LRP12: variants seen among roughly 807,000 people sequenced by gnomAD.
LRP12 encodes low-density lipoprotein receptor-related protein 12.
LRP12 carries 14 observed loss-of-function variants against 66.0 expected under a neutral mutation model. That is an observed-to-expected ratio of 0.21 (90% confidence interval 0.14 to 0.33). LRP12 has a LOEUF of 0.33. Ranked by LOEUF, LRP12 falls within the 10% of genes least tolerant of loss-of-function variation. The probability of loss-of-function intolerance (pLI) is 1.00; values close to 1 mark genes in which losing one functional copy is unlikely to be tolerated. For synonymous variants in LRP12, 357 were observed against 359.1 expected, an observed-to-expected ratio of 0.99 and a Z score of 0.07; for missense variants, 889 against 1,053.4, an observed-to-expected ratio of 0.84 and a Z score of 2.16.
At chr8:104,496,829 G>A (rs1588482056) in intron 5 of LRP12, 143 bp downstream of exon 5, 8 of 764,338 alleles carry the variant, frequency 1.0e-5, no homozygotes, top group South Asian at 4.5e-5. Context: ...GGTTTTTCAC[G>A]CTAATTTTAT....
At position 104,497,001 on chromosome 8, in the gene LRP12, C is replaced by G. The variant is rs761346650; in HGVS notation, c.1551G>C (p.Lys517Asn). ...TTTCAAACATTCTCAGAGAATAAAG[C>G]TTACAAGTACATCCCAATGCTATGA... ...LLVIALGCTCKLYSLRMFERR... is the reference protein window; with the variant it reads ...LLVIALGCTCNLYSLRMFERR... Residue 517 changes from lysine to asparagine, a missense_variant, in exon 5 of 7, where the codon AAG (lysine) becomes AAC (asparagine). Physicochemically the swap from Lys to Asn is moderately conservative, Grantham distance 94. Coordinates refer to ENST00000276654, the MANE Select transcript of LRP12 (RefSeq NM_013437.5). This position sits in a 1 kb window ranked among gnomAD's most constrained non-coding sequence, Gnocchi z 4.3. 6.5e-7 allele frequency: 1 copy of G among 1,542,112 alleles called. No individual in the cohort carries two copies. Among genetic ancestry groups the G allele is most frequent in the East Asian group, 2.3e-5 (1 of 44,218 alleles).
At chr8:104,505,369 T>C (rs1050325095) in intron 3 of LRP12, 1 of 153,886 alleles carries the variant, frequency 6.5e-6, no homozygotes, top group Non-Finnish European at 1.4e-5. Context: ...ACCTTTCTAC[T>C]TGGGAGAGAG....
At chr8:104,498,760 A>G (rs1328131740) in intron 4 of LRP12, among the ~76,000 whole-genome samples, 6 of 152,206 alleles carry the variant, frequency 3.9e-5, no homozygotes, top group Admixed American at 3.9e-4. Context: ...TAGTACTGGC[A>G]TGCTTACTCA....
At chr8:104,521,467 T>A (rs546740569) in intron 2 of LRP12, among the ~76,000 whole-genome samples, 50 of 151,512 alleles carry the variant, frequency 3.3e-4, no homozygotes, top group African/African-American at 1.1e-3. Flanking sequence ...ATAGAGTATA[T>A]AATATAGAAA....
At chr8:104,503,085 A>AT (rs913993433) in intron 3 of LRP12, among the ~76,000 whole-genome samples, 8 of 152,116 alleles carry the variant, frequency 5.3e-5, no homozygotes, top group Admixed American at 3.3e-4. Flanking sequence ...CTAATTTTTT[A>AT]TTTTTGCTTT....
intron 3 of LRP12, among the ~76,000 whole-genome samples, chr8:104,503,401 A>C (rs1401205357): frequency 4.6e-5 from 7 of 151,750 alleles, no homozygotes; most frequent in Non-Finnish European, 1.0e-4. Context: ...AGAAACAATA[A>C]ATATCTGTTC....
intron 2 of LRP12, among the ~76,000 whole-genome samples, chr8:104,510,774 T>C (rs1810981140): frequency 6.6e-6 from 1 of 151,984 alleles, no homozygotes; most frequent in Admixed American, 6.6e-5. Context: ...CATACTAAAC[T>C]CAAAAACCAT....
At chr8:104,502,050 G>A (rs929185414) in intron 3 of LRP12, among the ~76,000 whole-genome samples, 2 of 152,122 alleles carry the variant, frequency 1.3e-5, no homozygotes, top group African/African-American at 4.8e-5. Context: ...GAACATAGAA[G>A]ATACTAATTT....
intron 2 of LRP12, among the ~76,000 whole-genome samples, chr8:104,512,281 C>A (rs1438733863): frequency 2.0e-5 from 3 of 152,166 alleles, no homozygotes; most frequent in East Asian, 3.9e-4. Context: ...CGTGCCACTG[C>A]ACTCCAGCCT....
At chr8:104,522,139 G>C (rs1811161767) in intron 2 of LRP12, among the ~76,000 whole-genome samples, 1 of 151,858 alleles carries the variant, frequency 6.6e-6, no homozygotes, top group Non-Finnish European at 1.5e-5. Flanking sequence ...TAAGCCCAAA[G>C]CTGTGGTTAA....
intron 1 of LRP12, among the ~76,000 whole-genome samples, chr8:104,555,287 T>C (rs577770169): frequency 6.6e-6 from 1 of 151,852 alleles, no homozygotes; most frequent in Non-Finnish European, 1.5e-5. Flanking sequence ...AGGCAACAAA[T>C]AGCATGATGA....
Position 104,496,992 on chromosome 8 carries a change from A to C in LRP12, c.1560T>G (p.Ser520=). ...CTGACCTTCTTTCAAACATTCTCAGAGAATAAAGCTTACAAGTACATCCCA... is the reference window on the plus strand; with the variant it reads ...CTGACCTTCTTTCAAACATTCTCAGCGAATAAAGCTTACAAGTACATCCCA... The part of the protein sequence containing the change: ...IALGCTCKLY[S]LRMFERRSFE... Residue 520 remains serine, a synonymous_variant, in exon 5 of 7, where the codon TCT becomes TCG. Coordinates refer to ENST00000276654, the MANE Select transcript of LRP12 (RefSeq NM_013437.5). The C allele has an allele frequency of 6.5e-7, 1 of 1,527,332 alleles. No homozygotes were observed. Among genetic ancestry groups the C allele is most frequent in the African/African-American group, 1.4e-5 (1 of 72,096 alleles). 94.6% of individuals were successfully genotyped at this position (1,527,332 alleles called of 1,614,324 possible). A position where few individuals can be genotyped will look rare whatever the true frequency, so the allele number is the denominator to read the frequency against.
intron 2 of LRP12, among the ~76,000 whole-genome samples, chr8:104,511,030 C>CTTTTTTTTTT (rs11350393): frequency 7.4e-5 from 4 of 54,324 alleles, no homozygotes; most frequent in Non-Finnish European, 1.3e-4. Context: ...GGAAAAATGA[C>CTTTTTTTTTT]TTTTTTTTTT....
chr8:104,553,042 G>A (rs1308464198), intron 1 of LRP12, among the ~76,000 whole-genome samples: 1 of 152,134 alleles, frequency 6.6e-6, no homozygotes, highest in Admixed American at 6.6e-5. Flanking sequence ...GAAATATAGG[G>A]GTACAGGAAG....
chr8:104,588,970 ACGCCGCCGCCGCCGC>A lies in LRP12; in HGVS notation c.-88_-74del, dbSNP rs879237391. 164 of 601,222 alleles carry A rather than the reference ACGCCGCCGCCGCCGC, an allele frequency of 2.7e-4. 5 individuals carry two copies. Among genetic ancestry groups the A allele is most frequent in the Admixed American group, 6.5e-4 (15 of 23,238 alleles). The allele number at this position is 601,222 out of a possible 1,614,324, so 37.2% of individuals were successfully genotyped here. On this transcript the variant is annotated 5_prime_UTR_variant, in exon 1 of 7. Coordinates refer to ENST00000276654, the MANE Select transcript of LRP12 (RefSeq NM_013437.5). ...GAGAAGCTGGAGGTAGACGACGCCG[ACGCCGCCGCCGCCGC>A]CGCCGCCGCCGCCGAGCCACCGGCT... is the stretch of plus-strand genomic sequence containing the variant.
At chr8:104,587,577 A>G (rs1812353543) in intron 1 of LRP12, among the ~76,000 whole-genome samples, 1 of 152,166 alleles carries the variant, frequency 6.6e-6, no homozygotes, top group African/African-American at 2.4e-5. Context: ...ACCAAAAAGA[A>G]TTTCTTGGCT....
At chr8:104,588,360 G>A (rs1002570924) in intron 1 of LRP12, among the ~76,000 whole-genome samples, 1 of 152,202 alleles carries the variant, frequency 6.6e-6, no homozygotes, top group African/African-American at 2.4e-5. Context: ...CTGGCGCGGT[G>A]GGAATCTCGC....
In LRP12 at chr8:104,489,390, TA is replaced by T. The variant is rs1810580369; in HGVS notation, c.*1282del. 1 of 152,592 alleles carries T rather than the reference TA, an allele frequency of 6.6e-6. No homozygotes were observed. The highest frequency in any genetic ancestry group is 1.5e-5 in the Non-Finnish European group (1 of 67,990). 9.5% of individuals were successfully genotyped at this position (152,592 alleles called of 1,614,324 possible). On this transcript the variant is annotated 3_prime_UTR_variant, in exon 7 of 7. Transcript: ENST00000276654. The stretch of plus-strand genomic sequence containing the variant: ...GACATTCAGCAAAGTACTTAAAATT[TA>T]ATAAATAGCAAATCACACACAGATA...
intron 3 of LRP12, among the ~76,000 whole-genome samples, chr8:104,500,829 T>A (rs1293680527): frequency 6.6e-6 from 1 of 152,254 alleles, no homozygotes; most frequent in Non-Finnish European, 1.5e-5. Flanking sequence ...GTCAGAAGAA[T>A]AATTCCTCTT....
Sources: gnomAD v4.1 joint callset for allele counts (sites outside exome capture counted in the v4.1 genomes callset) on GRCh38, gnomAD v4.1.1 for gene constraint, Gnocchi (gnomAD v3.1) non-coding constraint, MANE v1.5 for transcripts, NCBI Gene and HGNC (gene_info 2026-07-23, HGNC 2026-07-21) for gene names.